Variants in PLGRKT observed in about 807,000 individuals in gnomAD.
The protein encoded by PLGRKT is plasminogen receptor (KT).
Under a neutral mutation model 18.5 loss-of-function variants are expected in PLGRKT, and 22 were observed. The observed-to-expected ratio is 1.19, with a 90% confidence interval of 0.85 to 1.70. The LOEUF is 1.70. PLGRKT is among the 40% of genes most tolerant of loss of function. The pLI is 0.00. For missense variants in PLGRKT, 235 were observed against 174.4 expected (o/e 1.35, Z -1.96); for synonymous variants, 72 against 52.8 (o/e 1.36, Z -1.58).
chr9:5,382,153 T>C, intron 3 of PLGRKT: 1 of 323,444 alleles, frequency 3.1e-6, no homozygotes, highest in Non-Finnish European at 4.5e-6. Context: ...ATTCATTCCC[T>C]CACTTGCCAT....
At chr9:5,429,002 A>G (rs1818760425) in intron 3 of PLGRKT, among the ~76,000 whole-genome samples, 1 of 152,150 alleles carries the variant, frequency 6.6e-6, no homozygotes, top group African/African-American at 2.4e-5. Flanking sequence ...ATGCTTGATC[A>G]CATGTATATT....
chr9:5,370,721 T>C (rs1395214559), intron 3 of PLGRKT, among the ~76,000 whole-genome samples: 1 of 152,232 alleles, frequency 6.6e-6, no homozygotes, highest in African/African-American at 2.4e-5. Context: ...GTTAACTTAA[T>C]AGAAACATTA....
At chr9:5,358,521 G>A (rs1442938658) in intron 5 of PLGRKT, among the ~76,000 whole-genome samples, 161 bp from the exon 6 acceptor site, 1 of 152,184 alleles carries the variant, frequency 6.6e-6, no homozygotes, top group Admixed American at 6.5e-5. Context: ...ATACTTCCCA[G>A]AGGAAACACA....
chr9:5,394,858 A>T (rs543473693), intron 3 of PLGRKT, among the ~76,000 whole-genome samples: 1 of 151,908 alleles, frequency 6.6e-6, no homozygotes, highest in Admixed American at 6.5e-5. Context: ...GAGATAGACT[A>T]CAGTGAACTA....
chr9:5,393,343 T>C (rs1817985335), intron 3 of PLGRKT, among the ~76,000 whole-genome samples: 1 of 151,852 alleles, frequency 6.6e-6, no homozygotes, highest in Non-Finnish European at 1.5e-5. Flanking sequence ...AGCCTTCTAC[T>C]TCCTACACCT....
chr9:5,386,314 T>C (rs569686081), intron 3 of PLGRKT, among the ~76,000 whole-genome samples: 4 of 152,024 alleles, frequency 2.6e-5, no homozygotes, highest in Non-Finnish European at 4.4e-5. Flanking sequence ...AATTCCCTGA[T>C]ACCTTTAGGA....
At chr9:5,425,915 A>G (rs1033456243) in intron 3 of PLGRKT, among the ~76,000 whole-genome samples, 6 of 152,212 alleles carry the variant, frequency 3.9e-5, no homozygotes, top group African/African-American at 1.4e-4. Flanking sequence ...TACTCTAATA[A>G]ACGTTTTGCT....
chr9:5,403,524 C>G (rs1818197462), intron 3 of PLGRKT, among the ~76,000 whole-genome samples: 1 of 152,184 alleles, frequency 6.6e-6, no homozygotes, highest in African/African-American at 2.4e-5. Flanking sequence ...CACGCCCAGC[C>G]ATGATTCTCA....
intron 3 of PLGRKT, among the ~76,000 whole-genome samples, chr9:5,420,828 T>C (rs1379363847): frequency 6.6e-6 from 1 of 152,200 alleles, no homozygotes; most frequent in Non-Finnish European, 1.5e-5. Flanking sequence ...TTTCAAGATG[T>C]TGGTACAGCC....
chr9:5,424,484 TAATA>T (rs1818645439), intron 3 of PLGRKT, among the ~76,000 whole-genome samples: 1 of 125,934 alleles, frequency 7.9e-6, no homozygotes, highest in East Asian at 2.0e-4. Flanking sequence ...TTATAAAATA[TAATA>T]TATATTATTA....
At chr9:5,359,173 G>T (rs1213714514) in intron 5 of PLGRKT, among the ~76,000 whole-genome samples, 3 of 150,924 alleles carry the variant, frequency 2.0e-5, no homozygotes, top group Non-Finnish European at 4.4e-5. Context: ...AGTGATTCTT[G>T]TACCTCAGCC....
At chr9:5,382,043 G>C in intron 3 of PLGRKT, 1 of 980,750 alleles carries the variant, frequency 1.0e-6, no homozygotes. Flanking sequence ...TGAAAAAAAA[G>C]TCATATTAGC....
chr9:5,420,593 T>G (rs766848993), intron 3 of PLGRKT, among the ~76,000 whole-genome samples: 2 of 152,156 alleles, frequency 1.3e-5, no homozygotes, highest in African/African-American at 4.8e-5. Flanking sequence ...GGTGAACTTG[T>G]GTTGGCCATG....
At chr9:5,381,863 C>G (rs1335766296) in intron 3 of PLGRKT, 2 of 983,132 alleles carry the variant, frequency 2.0e-6, no homozygotes, top group Non-Finnish European at 1.2e-6. Context: ...ACTAACATAC[C>G]TTCCTCACAG....
At chr9:5,372,750 A>G (rs1202740275) in intron 3 of PLGRKT, among the ~76,000 whole-genome samples, 1 of 152,154 alleles carries the variant, frequency 6.6e-6, no homozygotes, top group Non-Finnish European at 1.5e-5. Flanking sequence ...ACCAGGTCAG[A>G]TGTAAAACCC....
intron 3 of PLGRKT, among the ~76,000 whole-genome samples, chr9:5,431,598 G>A (rs1460737244): frequency 4.0e-5 from 6 of 150,626 alleles, no homozygotes; most frequent in Non-Finnish European, 8.8e-5. Flanking sequence ...CATAATCCAG[G>A]ATAATCTCCC....
Position 5,358,341 on chromosome 9 carries a change from C to T in PLGRKT, c.342G>A (p.Leu114=). ...GCTGCAATTTACTCTTTTCTGTTTCCAGTATGTCCTCAGCTTCACCTTAAA... is the reference window on the plus strand; with the variant it reads ...GCTGCAATTTACTCTTTTCTGTTTCTAGTATGTCCTCAGCTTCACCTTAAA... The part of the protein sequence containing the change: ...ERMKGEAEDI[L]ETEKSKLQLP... The change falls in exon 6 of 6, where the codon CTG becomes CTA. Residue 114 remains leucine (L), a synonymous_variant. Transcript: ENST00000223864. The T allele has an allele frequency of 6.2e-7, 1 of 1,612,604 alleles. No homozygotes were observed. Among genetic ancestry groups the T allele is most frequent in the Non-Finnish European group, 8.5e-7 (1 of 1,179,000 alleles).
intron 3 of PLGRKT, among the ~76,000 whole-genome samples, chr9:5,374,536 C>T (rs1817590843): frequency 6.6e-6 from 1 of 152,198 alleles, no homozygotes. Context: ...CACTTCTCCA[C>T]ACCTTTTTGC....
chr9:5,362,984 G>GC (rs915603210), intron 3 of PLGRKT, among the ~76,000 whole-genome samples: 1 of 152,004 alleles, frequency 6.6e-6, no homozygotes, highest in African/African-American at 2.4e-5. Flanking sequence ...AAGAGAGGCC[G>GC]CTTCCATCTC....
Sources: allele counts gnomAD v4.1 joint callset (sites outside exome capture counted in the v4.1 genomes callset), GRCh38; gene constraint gnomAD v4.1.1; transcripts MANE v1.5; gene names NCBI Gene and HGNC (gene_info 2026-07-23, HGNC 2026-07-21).